PCDH9: variants seen among roughly 807,000 people sequenced by gnomAD.
PCDH9 encodes the protein protocadherin 9, also known as protocadherin-9.
Under a neutral mutation model 70.6 loss-of-function variants are expected in PCDH9, and 24 were observed. The ratio of observed to expected loss-of-function variants is 0.34; its 90% CI spans 0.25 to 0.48. The LOEUF (loss-of-function observed/expected upper bound fraction) is 0.48. Ranked by LOEUF, PCDH9 falls within the 20% of genes least tolerant of loss-of-function variation. PCDH9 has a pLI of 0.99. For synonymous variants in PCDH9, 562 were observed against 558.5 expected (o/e 1.01, Z -0.09); for missense variants, 1,281 against 1,503.6 (o/e 0.85, Z 2.45).
At chr13:66,610,246 AAGAG>A (rs755296613) in intron 4 of PCDH9, among the ~76,000 whole-genome samples, 3 of 152,118 alleles carry the variant, frequency 2.0e-5, no homozygotes, top group African/African-American at 4.8e-5. Flanking sequence ...AGGGGGAAAA[AAGAG>A]AGAGAGCAAC....
chr13:66,558,981 G>A (rs575987515), intron 4 of PCDH9, among the ~76,000 whole-genome samples: 1 of 152,186 alleles, frequency 6.6e-6, no homozygotes, highest in African/African-American at 2.4e-5. Context: ...CAATGGCAGA[G>A]CTGACATGCA....
intron 3 of PCDH9, among the ~76,000 whole-genome samples, chr13:66,766,087 G>C (rs1360731666): frequency 6.6e-6 from 1 of 151,930 alleles, no homozygotes; most frequent in Admixed American, 6.6e-5. Context: ...ATTCCAAAGA[G>C]ATATTTAATA....
chr13:66,867,228 A>C (rs965374020), intron 3 of PCDH9, among the ~76,000 whole-genome samples: 1 of 152,138 alleles, frequency 6.6e-6, no homozygotes, highest in Non-Finnish European at 1.5e-5. Context: ...TTAAGTTAAA[A>C]TCCCATTATA....
intron 4 of PCDH9, among the ~76,000 whole-genome samples, chr13:66,372,965 A>G (rs1350709129): frequency 6.6e-6 from 1 of 151,954 alleles, no homozygotes; most frequent in African/African-American, 2.4e-5. Flanking sequence ...ATCTAGCAAT[A>G]CCACTTCTGA....
At chr13:66,955,020 C>A (rs1289713698) in intron 2 of PCDH9, among the ~76,000 whole-genome samples, 1 of 152,190 alleles carries the variant, frequency 6.6e-6, no homozygotes, top group Non-Finnish European at 1.5e-5. Context: ...GCCTCAGCCT[C>A]CCAAAGTGCT....
chr13:67,058,595 G>A (rs909402816), intron 2 of PCDH9, among the ~76,000 whole-genome samples: 2 of 152,162 alleles, frequency 1.3e-5, no homozygotes, highest in African/African-American at 4.8e-5. Context: ...CTATAAATGA[G>A]AGCGAATAGA....
At chr13:66,797,531 A>T (rs900994809) in intron 3 of PCDH9, among the ~76,000 whole-genome samples, 4 of 152,166 alleles carry the variant, frequency 2.6e-5, no homozygotes, top group Non-Finnish European at 4.4e-5. Flanking sequence ...ATCAGTGTAA[A>T]TTTTAAAACA....
chr13:67,046,450 A>T (rs369007446), intron 2 of PCDH9, among the ~76,000 whole-genome samples: 1 of 152,216 alleles, frequency 6.6e-6, no homozygotes, highest in Admixed American at 6.5e-5. Flanking sequence ...ATATAAAAAT[A>T]TAAAAAGGCA....
intron 3 of PCDH9, among the ~76,000 whole-genome samples, chr13:66,895,103 C>T (rs749565359): frequency 2.4e-4 from 37 of 152,000 alleles, no homozygotes; most frequent in African/African-American, 2.4e-4. Flanking sequence ...CCACCACGCC[C>T]GGCCAATATT....
chr13:67,003,805 A>G (rs897568223), intron 2 of PCDH9, among the ~76,000 whole-genome samples: 3 of 152,344 alleles, frequency 2.0e-5, no homozygotes, highest in Non-Finnish European at 4.4e-5. Context: ...AACGCTTTTA[A>G]TGATTGCTCC....
At chr13:66,441,805 A>T (rs992361967) in intron 4 of PCDH9, among the ~76,000 whole-genome samples, 1 of 152,158 alleles carries the variant, frequency 6.6e-6, no homozygotes, top group Non-Finnish European at 1.5e-5. Context: ...AAGATATTTT[A>T]AAAACAGTAA....
At chr13:66,506,624 T>C (rs1292402917) in intron 4 of PCDH9, among the ~76,000 whole-genome samples, 1 of 152,180 alleles carries the variant, frequency 6.6e-6, no homozygotes, top group Non-Finnish European at 1.5e-5. Context: ...GGTCATGCTG[T>C]TCTAATGGAC....
At position 66,899,469 on chromosome 13, in the gene PCDH9, T is replaced by A. The variant is rs537672449; in HGVS notation, c.3138+4035A>T. ...CAAGGGAGAAGTCCTATCTCAAAAA[T>A]TCATACACTGAACACTAAACCATTT... On this transcript the variant is annotated intron_variant, in intron 3 of 4. Transcript: ENST00000377865. Among the ~76,000 whole-genome samples the A allele has an allele frequency of 5.3e-5, 8 of 152,112 alleles. 2 individuals are homozygous for A. Among genetic ancestry groups the A allele is most frequent in the African/African-American group, 1.9e-4 (8 of 41,552 alleles).
intron 4 of PCDH9, among the ~76,000 whole-genome samples, chr13:66,350,094 C>T (rs954856869): frequency 2.0e-5 from 3 of 152,130 alleles, no homozygotes; most frequent in Non-Finnish European, 4.4e-5. Context: ...TCACAGGACA[C>T]TTGATCTACA....
chr13:66,386,801 A>T (rs1278567116), intron 4 of PCDH9, among the ~76,000 whole-genome samples: 1 of 152,200 alleles, frequency 6.6e-6, no homozygotes, highest in Non-Finnish European at 1.5e-5. Context: ...GGAGCAAAAT[A>T]CCAGACAGAG....
At position 66,529,561 on chromosome 13, in the gene PCDH9, T is replaced by A. The variant is rs952255518; in HGVS notation, c.3340+101649A>T. On this transcript the variant is annotated intron_variant, in intron 4 of 4. Transcript: ENST00000377865. ...CTGTTTGTTTAGATGTAATGAAATC[T>A]GATTGCCTCTAGAATGTTGAATAAA... 5.6e-4 allele frequency among the ~76,000 whole-genome samples: 85 copies of A among 152,152 alleles called. 3 individuals carry two copies. Among genetic ancestry groups the A allele is most frequent in the Admixed American group, 2.0e-4 (3 of 15,256 alleles).
rs116206137 is a variant in PCDH9 at position 66,509,575 on chromosome 13, T to C, written c.3340+121635A>G. ...AAAATCTTTTCACCTTTTGTTTTGGTACTTCTTTCTCTCTACTCTATTGCA... is the reference window on the plus strand; with the variant it reads ...AAAATCTTTTCACCTTTTGTTTTGGCACTTCTTTCTCTCTACTCTATTGCA... On this transcript the variant is annotated intron_variant, in intron 4 of 4. Transcript: ENST00000377865. Among the ~76,000 whole-genome samples, 1,170 of 152,294 alleles carry C rather than the reference T, an allele frequency of 7.7e-3. 11 individuals carry two copies. Among genetic ancestry groups the C allele is most frequent in the African/African-American group, 0.027 (1,132 of 41,558 alleles).
chr13:67,183,563 C>T (rs1305424298), intron 2 of PCDH9, among the ~76,000 whole-genome samples: 1 of 152,050 alleles, frequency 6.6e-6, no homozygotes, highest in Non-Finnish European at 1.5e-5. Context: ...TTAATTACAA[C>T]ACTTTTGTAT....
intron 3 of PCDH9, among the ~76,000 whole-genome samples, chr13:66,736,970 A>G (rs1294427054): frequency 2.0e-5 from 3 of 152,212 alleles, no homozygotes; most frequent in Non-Finnish European, 4.4e-5. Context: ...ATAAAGCCAT[A>G]TAAAATATAC....
Sources: allele counts gnomAD v4.1 joint callset (sites outside exome capture counted in the v4.1 genomes callset), GRCh38; gene constraint gnomAD v4.1.1; transcripts MANE v1.5; gene names NCBI Gene and HGNC (gene_info 2026-07-23, HGNC 2026-07-21).